The following PEX5L variants were observed in gnomAD, a reference collection of about 807,000 sequenced individuals.
The protein encoded by PEX5L is PEX5-related protein.
In PEX5L, 30 loss-of-function variants were observed where a neutral mutation model predicts 84.0. The ratio of observed to expected loss-of-function variants is 0.36; its 90% CI spans 0.27 to 0.48. PEX5L has a LOEUF of 0.48. Ranked by LOEUF, PEX5L falls within the 20% of genes least tolerant of loss-of-function variation. PEX5L has a pLI of 0.99. For synonymous variants in PEX5L, 270 were observed against 283.1 expected, an observed-to-expected ratio of 0.95 and a Z score of 0.46; for missense variants, 533 against 754.6, an observed-to-expected ratio of 0.71 and a Z score of 3.44.
At position 179,846,652 on chromosome 3, in the gene PEX5L, G is replaced by A. The variant is rs376871622; in HGVS notation, c.822+12410C>T. 1.5e-4 allele frequency among the ~76,000 whole-genome samples: 23 copies of A among 152,332 alleles called. No homozygotes were observed. In the East Asian group the frequency reaches 3.1e-3, roughly 20 times the overall value. ...TGAGTAAAGCAGATTGCCCTCCGCA[G>A]TTGGAAGAGCATCATTCAACCTGTT... On this transcript the variant is annotated intron_variant, in intron 8 of 14. Transcript: ENST00000467460.
chr3:179,941,813 G>C (rs563383883), intron 2 of PEX5L, among the ~76,000 whole-genome samples: 2 of 152,176 alleles, frequency 1.3e-5, no homozygotes, highest in South Asian at 4.2e-4. Context: ...ACGAGGTCAG[G>C]AGTTCGAGAC....
intron 3 of PEX5L, among the ~76,000 whole-genome samples, chr3:179,892,386 T>A (rs938235479): frequency 1.3e-5 from 2 of 152,104 alleles, no homozygotes; most frequent in Non-Finnish European, 2.9e-5. Flanking sequence ...TGTTCCCATG[T>A]CTTGCCCAGT....
At chr3:179,925,911 T>C (rs1043373268) in intron 2 of PEX5L, among the ~76,000 whole-genome samples, 2 of 152,170 alleles carry the variant, frequency 1.3e-5, no homozygotes, top group African/African-American at 2.4e-5. Context: ...ATGGACCATA[T>C]TGAAAATTGT....
At chr3:179,932,472 C>G (rs1773378762) in intron 2 of PEX5L, among the ~76,000 whole-genome samples, 1 of 152,088 alleles carries the variant, frequency 6.6e-6, no homozygotes, top group South Asian at 2.1e-4. Flanking sequence ...GATCTATCTT[C>G]ATGTTTTAAA....
intron 2 of PEX5L, among the ~76,000 whole-genome samples, chr3:179,959,318 A>G (rs1213642561): frequency 6.6e-6 from 1 of 152,170 alleles, no homozygotes; most frequent in Non-Finnish European, 1.5e-5. Context: ...AATAACGCAC[A>G]TCTTAGTTCT....
At chr3:179,841,603 T>C (rs1206069085) in intron 8 of PEX5L, among the ~76,000 whole-genome samples, 3 of 152,236 alleles carry the variant, frequency 2.0e-5, no homozygotes, top group Non-Finnish European at 4.4e-5. Flanking sequence ...TAGACAATAG[T>C]CACTTAACTA....
intron 2 of PEX5L, among the ~76,000 whole-genome samples, chr3:179,938,630 T>C (rs1222796621): frequency 2.6e-5 from 4 of 152,162 alleles, no homozygotes; most frequent in Non-Finnish European, 1.5e-5. Context: ...AGGAACACAA[T>C]GAAAAAGATA....
intron 2 of PEX5L, among the ~76,000 whole-genome samples, chr3:179,953,348 A>G (rs890120412): frequency 2.0e-5 from 3 of 152,216 alleles, no homozygotes; most frequent in African/African-American, 7.2e-5. Context: ...TTTGCAATCT[A>G]TCCATCTGAC....
At position 179,800,330 on chromosome 3, in the gene PEX5L, C is replaced by G. The variant is rs1313531551; in HGVS notation, c.*1498G>C. On this transcript the variant is annotated 3_prime_UTR_variant, in exon 15 of 15. Transcript: ENST00000467460. ...GGGATGAGCTATTATTATCAAAGAA[C>G]ATAAATAAAAAGTTGTTAGGATTAG... The G allele has an allele frequency of 2.0e-5, 3 of 152,062 alleles. No homozygotes were observed. Among genetic ancestry groups the G allele is most frequent in the Admixed American group, 2.0e-4 (3 of 15,264 alleles). The allele number at this position is 152,062 out of a possible 1,614,324, so 9.4% of individuals were successfully genotyped here. A position where few individuals can be genotyped will look rare whatever the true frequency, so the allele number is the denominator to read the frequency against.
chr3:179,992,498 A>G (rs1279376895), intron 1 of PEX5L, among the ~76,000 whole-genome samples: 1 of 152,198 alleles, frequency 6.6e-6, no homozygotes, highest in Non-Finnish European at 1.5e-5. Context: ...GTAGGTGCTC[A>G]CAAATGTTTG....
intron 1 of PEX5L, among the ~76,000 whole-genome samples, chr3:180,019,773 T>C (rs2110502090): frequency 6.6e-6 from 1 of 152,276 alleles, no homozygotes; most frequent in Non-Finnish European, 1.5e-5. Context: ...ATGATCACCT[T>C]ATTGTAGAAT....
At chr3:179,880,178 A>T in intron 4 of PEX5L, 55 bp from the exon 5 acceptor site, 1 of 1,144,864 alleles carries the variant, frequency 8.7e-7, no homozygotes. Flanking sequence ...GAAATTATTT[A>T]AAATAGGTTT....
In PEX5L at chr3:179,875,472, G is replaced by A; in HGVS notation, c.511C>T (p.Gln171Ter). ...TCGTCCCATTTTTCCAGTTGTGTTT[G>A]AATGTCTAGTAAGTACAGAGGAAGC... ...PETSSLDLDI[Q>*]TQLEKWDDVK... The change falls in exon 6 of 15, where the codon CAA (glutamine) becomes TAA (stop). Residue 171 changes from glutamine to a stop codon, truncating the protein, a stop_gained. Transcript: ENST00000467460. LOFTEE classifies it high-confidence loss of function. 6.6e-7 allele frequency: 1 copy of A among 1,507,504 alleles called. No homozygotes were observed. The highest frequency in any genetic ancestry group is 1.1e-5 in the South Asian group (1 of 89,960). The allele number at this position is 1,507,504 out of a possible 1,614,324, so 93.4% of individuals were successfully genotyped here.
At chr3:179,881,265 C>T (rs1754079670) in intron 4 of PEX5L, 1 of 152,300 alleles carries the variant, frequency 6.6e-6, no homozygotes, top group East Asian at 1.9e-4. Flanking sequence ...CCATTGAACT[C>T]ACAACCTGGA....
chr3:180,015,755 A>C (rs1309305541), intron 1 of PEX5L, among the ~76,000 whole-genome samples: 7 of 151,730 alleles, frequency 4.6e-5, no homozygotes, highest in Admixed American at 4.6e-4. Context: ...AGCTATAGAG[A>C]AGACTTAAGT....
At chr3:179,934,692 T>C (rs1166393969) in intron 2 of PEX5L, among the ~76,000 whole-genome samples, 1 of 152,170 alleles carries the variant, frequency 6.6e-6, no homozygotes, top group African/African-American at 2.4e-5. Flanking sequence ...GAATCTAATA[T>C]CAATTTGTAT....
At chr3:179,844,492 T>A (rs1738503584) in intron 8 of PEX5L, among the ~76,000 whole-genome samples, 1 of 152,228 alleles carries the variant, frequency 6.6e-6, no homozygotes, top group Non-Finnish European at 1.5e-5. Flanking sequence ...AGACTGTCTT[T>A]AGAAGACCAA....
chr3:179,801,606 A>C lies in PEX5L; in HGVS notation c.*222T>G. 1.9e-6 allele frequency: 1 copy of C among 530,682 alleles called. No homozygotes were observed. The highest frequency in any genetic ancestry group is 3.4e-6 in the Non-Finnish European group (1 of 298,192). The allele number at this position is 530,682 out of a possible 1,614,324, so 32.9% of individuals were successfully genotyped here. On this transcript the variant is annotated 3_prime_UTR_variant, in exon 15 of 15. Transcript: ENST00000467460. ...ATCTTGGTTTGTCTTGAGTCTCTTA[A>C]TTCTTCTTTTGAGCCTGACTTTGAC...
Position 180,036,623 on chromosome 3 carries a change from C to T in PEX5L, c.-24G>A, listed in dbSNP as rs1791932252. ...ATTCTGCTTCGGTTTCTTCAGGGCT[C>T]CCTGAGGCCACCGGATGCTTTTCCC... On this transcript the variant is annotated 5_prime_UTR_variant, in exon 1 of 15. Coordinates refer to ENST00000467460, the MANE Select transcript of PEX5L (RefSeq NM_016559.3). 6.2e-7 allele frequency: 1 copy of T among 1,613,954 alleles called. No individual in the cohort carries two copies. The highest frequency in any genetic ancestry group is 8.5e-7 in the Non-Finnish European group (1 of 1,179,776).
Sources: gnomAD v4.1 joint callset for allele counts (sites outside exome capture counted in the v4.1 genomes callset) on GRCh38, gnomAD v4.1.1 for gene constraint, MANE v1.5 for transcripts, NCBI Gene and HGNC (gene_info 2026-07-23, HGNC 2026-07-21) for gene names.